GUCY2C: variants seen among roughly 807,000 people sequenced by gnomAD.
The protein encoded by GUCY2C is guanylyl cyclase C.
GUCY2C carries 118 observed loss-of-function variants against 131.1 expected under a neutral mutation model. The ratio of observed to expected loss-of-function variants is 0.90; its 90% CI spans 0.78 to 1.05. The LOEUF is 1.05. GUCY2C is among the 50% of genes least tolerant of loss of function. The pLI, the probability that GUCY2C is intolerant of heterozygous loss-of-function variation, is 0.00. For synonymous variants in GUCY2C, 452 were observed against 457.8 expected (o/e 0.99, Z 0.16); for missense variants, 1,161 against 1,304.4 (o/e 0.89, Z 1.69).
At chr12:14,653,074 G>C in intron 12 of GUCY2C, 60 bp from the exon 13 acceptor site, 1 of 1,216,870 alleles carries the variant, frequency 8.2e-7, no homozygotes, top group East Asian at 2.3e-5. Flanking sequence ...CTCACTGCCT[G>C]TCAAAGGCTG....
At chr12:14,680,867 T>G (rs1948334982) in intron 5 of GUCY2C, among the ~76,000 whole-genome samples, 1 of 152,170 alleles carries the variant, frequency 6.6e-6, no homozygotes. Context: ...GGTAGATCAC[T>G]GGGCAGGTGA....
At chr12:14,637,769 A>G (rs1449901302) in intron 19 of GUCY2C, among the ~76,000 whole-genome samples, 2 of 152,256 alleles carry the variant, frequency 1.3e-5, no homozygotes, top group Non-Finnish European at 2.9e-5. Context: ...AAACTATGAA[A>G]CTATTAGAAG....
intron 10 of GUCY2C, chr12:14,665,964 G>C (rs1947970128): frequency 6.6e-6 from 1 of 152,268 alleles, no homozygotes; most frequent in South Asian, 2.1e-4. Context: ...GGGTCAAGTA[G>C]CGGAAAGTTT....
rs1330119869 is a variant in GUCY2C at position 14,645,348 on chromosome 12, G to C, written c.1711-33C>G. 2.7e-6 allele frequency: 3 copies of C among 1,105,952 alleles called. No individual in the cohort carries two copies. The African/African-American group carries it at 4.7e-5, about 17-fold the overall frequency. The allele number at this position is 1,105,952 out of a possible 1,614,324, so 68.5% of individuals were successfully genotyped here. Reference sequence around the variant, plus strand: ...GGAAAAAAGAAGAAGAAGAAAAGTTGTTGCAAGAAAGGATATTGTGGAGAG... The same window carrying C: ...GGAAAAAAGAAGAAGAAGAAAAGTTCTTGCAAGAAAGGATATTGTGGAGAG... On this transcript the variant is annotated intron_variant, in intron 15 of 26. Coordinates refer to ENST00000261170, the MANE Select transcript of GUCY2C (RefSeq NM_004963.4).
intron 6 of GUCY2C, among the ~76,000 whole-genome samples, chr12:14,678,591 G>A (rs184847727): frequency 1.4e-4 from 22 of 152,286 alleles, no homozygotes; most frequent in Admixed American, 1.4e-3. Context: ...TGAACGTGTA[G>A]CCATCAAACA....
Position 14,683,267 on chromosome 12 carries a change from G to C in GUCY2C, c.396-10C>G. On this transcript the variant is annotated splice_polypyrimidine_tract_variant and intron_variant, in intron 3 of 26. Coordinates refer to ENST00000261170, the MANE Select transcript of GUCY2C (RefSeq NM_004963.4). ...CAATTCTGTGTCAAGGCTATGTCAA[G>C]AGGTTGAGGAAAAAAGCCATTATCA... 1 of 1,588,174 alleles carries C rather than the reference G, an allele frequency of 6.3e-7. No homozygotes were observed. Among genetic ancestry groups the C allele is most frequent in the Non-Finnish European group, 8.6e-7 (1 of 1,157,132 alleles).
Position 14,643,697 on chromosome 12 carries a change from AT to A in GUCY2C, c.1806del (p.Tyr603IlefsTer13). On this transcript the variant is annotated frameshift_variant, in exon 17 of 27. Coordinates refer to ENST00000261170, the MANE Select transcript of GUCY2C (RefSeq NM_004963.4). LOFTEE classifies it high-confidence loss of function. ...ACTTCTGTCTTACTGGAGTGCAGAT[AT>A]GACATTCCCTGTAATTTTTTAGATG... is the stretch of plus-strand genomic sequence containing the variant. The part of the protein sequence containing the change: ...SVLYDIAKGM[S>X]YLHSSKTEVH... 1 of 1,612,816 alleles carries A rather than the reference AT, an allele frequency of 6.2e-7. No individual in the cohort carries two copies. Among genetic ancestry groups the A allele is most frequent in the Non-Finnish European group, 8.5e-7 (1 of 1,179,050 alleles).
Position 14,627,173 on chromosome 12 carries a change from T to C in GUCY2C, c.2250-1258A>G, listed in dbSNP as rs118070527. ...AATGTTCATAACATCTAAGGCACAA[T>C]TGAAGGTGCTGAATAAATCACAGTC... On this transcript the variant is annotated intron_variant, in intron 20 of 26. Transcript: ENST00000261170. 4.7e-3 allele frequency among the ~76,000 whole-genome samples: 715 copies of C among 152,274 alleles called. 1 individual carries two copies. The highest frequency in any genetic ancestry group is 7.3e-3 in the Non-Finnish European group (498 of 68,030).
intron 1 of GUCY2C, among the ~76,000 whole-genome samples, chr12:14,689,414 A>G (rs1948536352): frequency 6.6e-6 from 1 of 152,170 alleles, no homozygotes; most frequent in South Asian, 2.1e-4. Flanking sequence ...ACACTTCTAG[A>G]TAGAGAGGAC....
intron 3 of GUCY2C, among the ~76,000 whole-genome samples, chr12:14,685,774 A>G (rs1217489415): frequency 6.6e-6 from 1 of 152,232 alleles, no homozygotes; most frequent in Non-Finnish European, 1.5e-5. Flanking sequence ...AGGATAGAAC[A>G]GAACCCTACT....
chr12:14,675,144 G>C (rs909090744), intron 7 of GUCY2C, among the ~76,000 whole-genome samples: 3 of 147,178 alleles, frequency 2.0e-5, no homozygotes, highest in Non-Finnish European at 4.5e-5. Flanking sequence ...CCAGGAGGTG[G>C]AGGTTGCAGT....
chr12:14,653,070 G>C lies in GUCY2C; in HGVS notation c.1471-56C>G, dbSNP rs1226749061. On this transcript the variant is annotated intron_variant, in intron 12 of 26. Transcript: ENST00000261170. ...AGCTCCATATCTCATCCTACTCACT[G>C]CCTGTCAAAGGCTGAGAGGCTCTTC... The C allele has an allele frequency of 2.4e-6, 3 of 1,261,468 alleles. No individual in the cohort carries two copies. In the African/African-American group the frequency reaches 4.4e-5, roughly 19 times the overall value. 78.1% of individuals were successfully genotyped at this position (1,261,468 alleles called of 1,614,324 possible). A position where few individuals can be genotyped will look rare whatever the true frequency, so the allele number is the denominator to read the frequency against.
chr12:14,677,290 G>A (rs1029292511), intron 6 of GUCY2C, among the ~76,000 whole-genome samples: 2 of 152,152 alleles, frequency 1.3e-5, no homozygotes, highest in East Asian at 3.8e-4. Flanking sequence ...TGGTTTATAG[G>A]TAGAAACTTT....
chr12:14,691,104 C>G, intron 1 of GUCY2C, among the ~76,000 whole-genome samples: 1 of 152,202 alleles, frequency 6.6e-6, no homozygotes, highest in East Asian at 1.9e-4. Flanking sequence ...GAGACTTGTT[C>G]TTTCAAAGAA....
rs561180304 is a variant in GUCY2C at position 14,675,147 on chromosome 12, G to A, written c.949-387C>T. Among the ~76,000 whole-genome samples the A allele has an allele frequency of 1.1e-4, 16 of 141,752 alleles. No individual in the cohort carries two copies. The Admixed American group carries it at 1.2e-3, about 10-fold the overall frequency. The allele number at this position is 141,752 out of a possible 152,430, so 93.0% of individuals were successfully genotyped here. Reference sequence around the variant, plus strand: ...AATCACTTGAACCCAGGAGGTGGAGGTTGCAGTGAGCCAAGATTCCACTGC... The same window carrying A: ...AATCACTTGAACCCAGGAGGTGGAGATTGCAGTGAGCCAAGATTCCACTGC... On this transcript the variant is annotated intron_variant, in intron 7 of 26. Transcript: ENST00000261170.
intron 21 of GUCY2C, 82 bp from the exon 22 acceptor site, chr12:14,622,279 A>T (rs931387817): frequency 9.2e-6 from 8 of 869,728 alleles, no homozygotes; most frequent in Non-Finnish European, 1.3e-5. Flanking sequence ...GGTAGTAGTG[A>T]TTGTCTACCA....
intron 20 of GUCY2C, among the ~76,000 whole-genome samples, chr12:14,627,437 T>A (rs998930617): frequency 1.3e-5 from 2 of 152,170 alleles, no homozygotes; most frequent in African/African-American, 2.4e-5. Flanking sequence ...GTAGAATGGA[T>A]GTGGGAGCAG....
At chr12:14,632,074 G>A (rs958701681) in intron 19 of GUCY2C, among the ~76,000 whole-genome samples, 1 of 152,092 alleles carries the variant, frequency 6.6e-6, no homozygotes, top group African/African-American at 2.4e-5. Flanking sequence ...TTTTTGACAG[G>A]GTTGTTTTTT....
chr12:14,612,852 A>C lies in GUCY2C; in HGVS notation c.*265T>G. 2.7e-5 allele frequency: 9 copies of C among 337,812 alleles called. No homozygotes were observed. The highest frequency in any genetic ancestry group is 1.6e-5 in the Non-Finnish European group (3 of 186,378). The allele number at this position is 337,812 out of a possible 1,614,324, so 20.9% of individuals were successfully genotyped here. A position where few individuals can be genotyped will look rare whatever the true frequency, so the allele number is the denominator to read the frequency against. Reference sequence around the variant, plus strand: ...AATAAAATCTTCTCAAGTTCTAGATAGTCTATTCATTTCTTTTCTTTTCCA... The same window carrying C: ...AATAAAATCTTCTCAAGTTCTAGATCGTCTATTCATTTCTTTTCTTTTCCA... On this transcript the variant is annotated 3_prime_UTR_variant, in exon 27 of 27. Transcript: ENST00000261170.
Sources: allele counts gnomAD v4.1 joint callset (sites outside exome capture counted in the v4.1 genomes callset), GRCh38; gene constraint gnomAD v4.1.1; transcripts MANE v1.5; gene names NCBI Gene and HGNC (gene_info 2026-07-23, HGNC 2026-07-21).